PEX14: variants seen among roughly 807,000 people sequenced by gnomAD.
The protein encoded by PEX14 is peroxisomal membrane protein PEX14.
In PEX14, 15 loss-of-function variants were observed where a neutral mutation model predicts 49.5. The observed-to-expected ratio is 0.30, with a 90% confidence interval of 0.20 to 0.47. The LOEUF is 0.47. Ranked by LOEUF, PEX14 falls within the 20% of genes least tolerant of loss-of-function variation. The pLI, the probability that PEX14 is intolerant of heterozygous loss-of-function variation, is 1.00. For missense variants in PEX14, 398 were observed against 494.8 expected, an observed-to-expected ratio of 0.80 and a Z score of 1.86; for synonymous variants, 210 against 212.7, an observed-to-expected ratio of 0.99 and a Z score of 0.11.
chr1:10,525,297 T>G (rs1638438561), intron 2 of PEX14, among the ~76,000 whole-genome samples: 1 of 152,076 alleles, frequency 6.6e-6, no homozygotes, highest in Admixed American at 6.6e-5. Flanking sequence ...ACAGCCCTTA[T>G]GTCATTACTT....
rs182093209 is a variant in PEX14, at chr1:10,602,632, C to G, written c.298+3266C>G. Among the ~76,000 whole-genome samples the G allele has an allele frequency of 6.6e-5, 10 of 152,332 alleles. No individual in the cohort carries two copies. The East Asian group carries it at 1.9e-3, about 29-fold the overall frequency. ...AAATGAACCCCAGTAAAAACCAGGG[C>G]TGTCTGCTGCTGGCATTATGAAATA... On this transcript the variant is annotated intron_variant, in intron 4 of 8. Transcript: ENST00000356607.
chr1:10,484,098 G>A (rs1641328807), intron 1 of PEX14, among the ~76,000 whole-genome samples: 1 of 141,144 alleles, frequency 7.1e-6, no homozygotes. Context: ...GCTCAGTCTT[G>A]GCTCACTGCA....
chr1:10,575,074 T>TA (rs142120114), intron 3 of PEX14, among the ~76,000 whole-genome samples: 39,689 of 123,234 alleles, frequency 0.32, 5,699 homozygotes, highest in Admixed American at 0.41. Flanking sequence ...GTCTCTTAAA[T>TA]AAAAAAAAAA....
intron 5 of PEX14, among the ~76,000 whole-genome samples, chr1:10,619,003 G>A (rs1301345542): frequency 1.3e-5 from 2 of 152,218 alleles, no homozygotes; most frequent in East Asian, 3.8e-4. Context: ...GAGCGGCGGT[G>A]AGAACCTCAG....
At position 10,495,779 on chromosome 1, in the gene PEX14, C is replaced by G. The variant is rs1025520364; in HGVS notation, c.84+458C>G. 6.6e-6 allele frequency among the ~76,000 whole-genome samples: 1 copy of G among 152,184 alleles called. No individual in the cohort carries two copies. The highest frequency in any genetic ancestry group is 2.4e-5 in the African/African-American group (1 of 41,450). On this transcript the variant is annotated intron_variant, in intron 2 of 8. Coordinates refer to ENST00000356607, the MANE Select transcript of PEX14 (RefSeq NM_004565.3). The surrounding 1 kb of genome is among the most constrained non-coding windows in gnomAD (Gnocchi z 4.2). ...GTAATTGTGTGATTGTCATTCCCAA[C>G]GCTGTCTTCTTAGACTATGGATAGG...
intron 4 of PEX14, among the ~76,000 whole-genome samples, chr1:10,609,765 A>T (rs1373227494): frequency 6.6e-6 from 1 of 152,094 alleles, no homozygotes; most frequent in Admixed American, 6.6e-5. Context: ...GGCGCCTGTA[A>T]TCCCAGCTAC....
At chr1:10,486,329 A>G (rs1013097081) in intron 1 of PEX14, among the ~76,000 whole-genome samples, 3 of 151,158 alleles carry the variant, frequency 2.0e-5, no homozygotes, top group Non-Finnish European at 4.4e-5. Context: ...GTCAAGTTGA[A>G]GAAATTCAAC....
chr1:10,624,473 A>T, intron 7 of PEX14, 36 bp downstream of exon 7: 2 of 1,384,412 alleles, frequency 1.4e-6, no homozygotes, highest in Non-Finnish European at 2.1e-6. Flanking sequence ...CTCCAGGCCC[A>T]GGTCTGTCCC....
At chr1:10,533,227 T>C (rs1347664218) in intron 2 of PEX14, among the ~76,000 whole-genome samples, 1 of 152,074 alleles carries the variant, frequency 6.6e-6, no homozygotes. Context: ...TTGCATCTAG[T>C]GTAGTGATGT....
intron 3 of PEX14, among the ~76,000 whole-genome samples, chr1:10,563,204 C>T (rs1301994438): frequency 4.0e-5 from 6 of 150,318 alleles, no homozygotes; most frequent in South Asian, 4.2e-4. Context: ...GCGTGAGCCA[C>T]GGCGCCTGGC....
chr1:10,504,807 C>G (rs1198635776), intron 2 of PEX14, among the ~76,000 whole-genome samples: 2 of 149,310 alleles, frequency 1.3e-5, no homozygotes, highest in Non-Finnish European at 3.0e-5. Context: ...CCCCTCTCCT[C>G]TTTTTGTTTC....
At chr1:10,617,623 C>A (rs1641464382) in intron 4 of PEX14, among the ~76,000 whole-genome samples, 1 of 152,152 alleles carries the variant, frequency 6.6e-6, no homozygotes, top group South Asian at 2.1e-4. Context: ...CACCTACCGT[C>A]TCTCTTTTGT....
At chr1:10,614,376 A>G (rs1454228420) in intron 4 of PEX14, among the ~76,000 whole-genome samples, 1 of 152,202 alleles carries the variant, frequency 6.6e-6, no homozygotes, top group Non-Finnish European at 1.5e-5. Context: ...AATGTTCTTA[A>G]CGTGAGCATG....
chr1:10,578,436 A>C (rs1162255314), intron 3 of PEX14, among the ~76,000 whole-genome samples: 2 of 152,184 alleles, frequency 1.3e-5, no homozygotes, highest in South Asian at 2.1e-4. Context: ...CCTACACCAG[A>C]TCTACAGGTG....
chr1:10,476,253 C>T (rs963837141), intron 1 of PEX14, among the ~76,000 whole-genome samples: 2 of 152,168 alleles, frequency 1.3e-5, no homozygotes, highest in African/African-American at 4.8e-5. Flanking sequence ...TTTCTATTAG[C>T]AGTGTGAATG....
intron 4 of PEX14, among the ~76,000 whole-genome samples, chr1:10,601,528 C>T (rs1640985722): frequency 6.6e-6 from 1 of 152,162 alleles, no homozygotes; most frequent in Non-Finnish European, 1.5e-5. Flanking sequence ...ATTTAGAGAT[C>T]TCCTCCTTTG....
At chr1:10,485,272 G>A (rs1440870917) in intron 1 of PEX14, among the ~76,000 whole-genome samples, 2 of 147,170 alleles carry the variant, frequency 1.4e-5, no homozygotes, top group Non-Finnish European at 3.0e-5. Context: ...ATTCTGGTGA[G>A]TGTGTAGTGT....
intron 1 of PEX14, among the ~76,000 whole-genome samples, chr1:10,475,242 C>T (rs1397946013): frequency 2.0e-5 from 3 of 152,034 alleles, no homozygotes; most frequent in Non-Finnish European, 2.9e-5. Context: ...CCCCGGGTCC[C>T]CACTTCCCGC....
chr1:10,576,856 A>C (rs1640129875), intron 3 of PEX14, among the ~76,000 whole-genome samples: 2 of 151,580 alleles, frequency 1.3e-5, no homozygotes, highest in African/African-American at 2.4e-5. Context: ...TCCCAGGTTC[A>C]AGTGATTCTC....
Sources: gnomAD v4.1 joint callset for allele counts (sites outside exome capture counted in the v4.1 genomes callset) on GRCh38, gnomAD v4.1.1 for gene constraint, Gnocchi (gnomAD v3.1) non-coding constraint, MANE v1.5 for transcripts, NCBI Gene and HGNC (gene_info 2026-07-23, HGNC 2026-07-21) for gene names.